Variants in RBFOX1 observed in about 807,000 individuals in gnomAD.
RBFOX1 encodes RNA binding protein fox-1 homolog 1.
A neutral mutation model predicts 57.7 loss-of-function variants in RBFOX1; 8 were observed. That is an observed-to-expected ratio of 0.14 (90% CI 0.08 to 0.25). The LOEUF is 0.25. RBFOX1 is among the 10% of genes least tolerant of loss of function. The probability of loss-of-function intolerance (pLI) is 1.00; values close to 1 mark genes in which losing one functional copy is unlikely to be tolerated. For missense variants in RBFOX1, 611 were observed against 548.5 expected (o/e 1.11, Z -1.14); for synonymous variants, 326 against 222.4 (o/e 1.47, Z -4.15).
intron 1 of RBFOX1, among the ~76,000 whole-genome samples, chr16:5,262,642 A>T (rs1349177470): frequency 6.6e-6 from 1 of 152,126 alleles, no homozygotes; most frequent in African/African-American, 2.4e-5. Context: ...CTCTACCTCT[A>T]TCTCTCTGCT....
At position 5,955,484 on chromosome 16, in the gene RBFOX1, C is replaced by T. The variant is rs886969702; in HGVS notation, c.351+88149C>T. On this transcript the variant is annotated intron_variant, in intron 4 of 19. Coordinates refer to the RBFOX1 transcript ENST00000641259. ...TTTCTGTTATGGAAACCAGGCAAGA[C>T]ATAGGACATAACCTTCTGCAAATAA... is the stretch of plus-strand genomic sequence containing the variant. 1.4e-4 allele frequency among the ~76,000 whole-genome samples: 22 copies of T among 152,026 alleles called. 1 individual carries two copies. The highest frequency in any genetic ancestry group is 4.8e-4 in the African/African-American group (20 of 41,406).
rs145217849 is a variant in RBFOX1, at chr16:6,748,505, A to G, written c.-16+93855A>G. Among the ~76,000 whole-genome samples, 713 of 152,274 alleles carry G rather than the reference A, an allele frequency of 4.7e-3. 42 individuals carry two copies. In the East Asian group the frequency reaches 0.11, roughly 24 times the overall value. Reference sequence around the variant, plus strand: ...ACAAGATCCCGTCTCTCCAAAAAATAAAGATAAAAAATTAGCTGGCCATGA... The same window carrying G: ...ACAAGATCCCGTCTCTCCAAAAAATGAAGATAAAAAATTAGCTGGCCATGA... On this transcript the variant is annotated intron_variant, in intron 3 of 15. Coordinates refer to ENST00000550418, the MANE Select transcript of RBFOX1 (RefSeq NM_018723.4).
intron 2 of RBFOX1, among the ~76,000 whole-genome samples, chr16:6,412,126 C>A (rs1431523746): frequency 5.5e-5 from 7 of 127,570 alleles, no homozygotes. Context: ...GTGCAAGACT[C>A]CATGTAAAAA....
intron 3 of RBFOX1, among the ~76,000 whole-genome samples, chr16:6,780,267 A>ATATATATATTTATATATATT (rs1567215144): frequency 1.4e-5 from 1 of 72,268 alleles, no homozygotes; most frequent in Non-Finnish European, 2.2e-5. Flanking sequence ...ATATATATTT[A>ATATATATATTTATATATATT]TACATATATA....
chr16:5,744,581 C>T (rs1201489856), intron 3 of RBFOX1, among the ~76,000 whole-genome samples: 2 of 152,106 alleles, frequency 1.3e-5, no homozygotes, highest in Admixed American at 6.6e-5. Flanking sequence ...GACATTGGCA[C>T]ACAATGTAAA....
intron 3 of RBFOX1, among the ~76,000 whole-genome samples, chr16:5,771,182 C>T (rs559997332): frequency 7.2e-5 from 11 of 152,346 alleles, no homozygotes; most frequent in East Asian, 1.9e-4. Context: ...CTAGACACAG[C>T]GGGGCTACCC....
chr16:5,766,615 C>G (rs867273796), intron 3 of RBFOX1, among the ~76,000 whole-genome samples: 10 of 152,080 alleles, frequency 6.6e-5, no homozygotes, highest in South Asian at 2.1e-4. Flanking sequence ...AAATGAAAAA[C>G]AGATCTCTTG....
At chr16:7,356,047 C>G (rs536908927) in intron 4 of RBFOX1, among the ~76,000 whole-genome samples, 34 of 152,312 alleles carry the variant, frequency 2.2e-4, no homozygotes, top group African/African-American at 5.5e-4. Context: ...CCAACGAGTT[C>G]TCTCTAATGG....
At chr16:6,487,688 AAAAAAAAAAAAAATATATATATATATAT>A (rs1206138783) in intron 2 of RBFOX1, among the ~76,000 whole-genome samples, 20 of 30,362 alleles carry the variant, frequency 6.6e-4, no homozygotes, top group African/African-American at 9.0e-4. Context: ...AAAAAAAAAA[AAAAAAAAAAAAAATATATATATATATAT>A]ATATATATAT....
chr16:6,351,040 TCAGTTTTCTCCTGTTGCCTTTCA>T (rs1345729369), intron 2 of RBFOX1, among the ~76,000 whole-genome samples: 2 of 152,104 alleles, frequency 1.3e-5, no homozygotes, highest in African/African-American at 2.4e-5. Flanking sequence ...TCTTATCCTT[TCAGTTTTCTCCTGTTGCCTTTCA>T]ACCACAGCAA....
At chr16:6,974,758 A>G (rs2086431498) in intron 3 of RBFOX1, among the ~76,000 whole-genome samples, 1 of 152,260 alleles carries the variant, frequency 6.6e-6, no homozygotes, top group South Asian at 2.1e-4. Context: ...CACCAGAGGC[A>G]GGCACCAGAA....
intron 2 of RBFOX1, among the ~76,000 whole-genome samples, chr16:6,589,798 A>G (rs1413693302): frequency 6.6e-6 from 1 of 152,248 alleles, no homozygotes; most frequent in Admixed American, 6.5e-5. Flanking sequence ...AGTTCAGCCT[A>G]TGCCCATAAA....
At chr16:6,865,810 A>G (rs886491013) in intron 3 of RBFOX1, among the ~76,000 whole-genome samples, 1 of 152,174 alleles carries the variant, frequency 6.6e-6, no homozygotes, top group Non-Finnish European at 1.5e-5. Context: ...ACAGTTGCAC[A>G]CGGAGAATTT....
chr16:6,386,882 A>G (rs1375966343), intron 2 of RBFOX1, among the ~76,000 whole-genome samples: 2 of 152,140 alleles, frequency 1.3e-5, no homozygotes, highest in Admixed American at 6.5e-5. Context: ...AAAGGCGGAG[A>G]GCTGGAAAGA....
At chr16:6,286,094 T>C (rs1284996588) in intron 1 of RBFOX1, among the ~76,000 whole-genome samples, 2 of 152,072 alleles carry the variant, frequency 1.3e-5, no homozygotes, top group East Asian at 3.9e-4. Flanking sequence ...TGGCCCTCTT[T>C]CCAGGAGAAA....
At chr16:5,793,115 G>A (rs2054756905) in intron 3 of RBFOX1, among the ~76,000 whole-genome samples, 1 of 152,124 alleles carries the variant, frequency 6.6e-6, no homozygotes, top group Non-Finnish European at 1.5e-5. Context: ...GTGTCGGTAG[G>A]GAACCCACAT....
chr16:6,394,736 G>C (rs746830079), intron 2 of RBFOX1, among the ~76,000 whole-genome samples: 1 of 151,918 alleles, frequency 6.6e-6, no homozygotes, highest in Non-Finnish European at 1.5e-5. Context: ...CCAGTCCTCT[G>C]TGATTAGGTT....
chr16:7,233,963 G>C (rs900853995), intron 4 of RBFOX1, among the ~76,000 whole-genome samples: 1 of 152,206 alleles, frequency 6.6e-6, no homozygotes, highest in African/African-American at 2.4e-5. Context: ...GGTCCTGGGA[G>C]AATAGAAGTG....
At chr16:6,879,955 C>G (rs2062596402) in intron 3 of RBFOX1, among the ~76,000 whole-genome samples, 1 of 152,092 alleles carries the variant, frequency 6.6e-6, no homozygotes, top group African/African-American at 2.4e-5. Context: ...TCTATCTGTT[C>G]AGTGGCATTT....
Sources: allele counts gnomAD v4.1 joint callset (sites outside exome capture counted in the v4.1 genomes callset), GRCh38; gene constraint gnomAD v4.1.1; transcripts MANE v1.5; gene names NCBI Gene and HGNC (gene_info 2026-07-23, HGNC 2026-07-21).